Variants in ADARB2 observed in about 807,000 individuals in gnomAD.
The protein encoded by ADARB2 is adenosine deaminase RNA specific B2 (inactive).
A neutral mutation model predicts 62.2 loss-of-function variants in ADARB2; 25 were observed. The observed-to-expected ratio is 0.40, with a 90% CI of 0.29 to 0.56. ADARB2 has a LOEUF of 0.56. ADARB2 is among the 20% of genes least tolerant of loss of function. The pLI is 0.43. For missense variants in ADARB2, 1,071 were observed against 1,077.4 expected, an observed-to-expected ratio of 0.99 and a Z score of 0.08; for synonymous variants, 572 against 500.8, an observed-to-expected ratio of 1.14 and a Z score of -1.90.
intron 1 of ADARB2, among the ~76,000 whole-genome samples, chr10:1,735,370 T>G (rs1340090696): frequency 6.6e-6 from 1 of 152,254 alleles, no homozygotes; most frequent in Non-Finnish European, 1.5e-5. Context: ...TGACGCTTCC[T>G]GGCAAGGCAA....
At chr10:1,733,794 G>A (rs1423991046) in intron 1 of ADARB2, among the ~76,000 whole-genome samples, 1 of 152,124 alleles carries the variant, frequency 6.6e-6, no homozygotes, top group South Asian at 2.1e-4. Flanking sequence ...AAAATAAAGT[G>A]CAATCTCCTG....
At position 1,702,668 on chromosome 10, in the gene ADARB2, C is replaced by T. The variant is rs913000963; in HGVS notation, c.100+34383G>A. The stretch of plus-strand genomic sequence containing the variant: ...TGCTTGAGCACTGTAAGACCTTCTG[C>T]CCCCATTCCCCAGGGTACATGCTCC... On this transcript the variant is annotated intron_variant, in intron 1 of 9. Transcript: ENST00000381312. Among the ~76,000 whole-genome samples, 3 of 152,346 alleles carry T rather than the reference C, an allele frequency of 2.0e-5. No homozygotes were observed. The South Asian group carries it at 6.2e-4, about 32-fold the overall frequency.
chr10:1,593,915 T>C (rs1313007188), intron 1 of ADARB2, among the ~76,000 whole-genome samples: 2 of 152,132 alleles, frequency 1.3e-5, no homozygotes, highest in Non-Finnish European at 2.9e-5. Flanking sequence ...GCCCGGCCCA[T>C]CTCATGGGAT....
intron 3 of ADARB2, among the ~76,000 whole-genome samples, chr10:1,326,876 G>T (rs372531168): frequency 0.029 from 669 of 22,916 alleles, 19 homozygotes; most frequent in African/African-American, 0.063. Flanking sequence ...GCCTCCCCAC[G>T]GCACAGCGCC....
chr10:1,521,650 C>A (rs1287892722), intron 1 of ADARB2, among the ~76,000 whole-genome samples: 4 of 152,230 alleles, frequency 2.6e-5, no homozygotes, highest in African/African-American at 9.6e-5. Flanking sequence ...AAACTTCGAT[C>A]TCCACCAACT....
intron 3 of ADARB2, among the ~76,000 whole-genome samples, chr10:1,342,367 T>A (rs1200639628): frequency 6.6e-6 from 1 of 152,228 alleles, no homozygotes; most frequent in Non-Finnish European, 1.5e-5. Context: ...CTGAGGCCTC[T>A]GCCCAACTAC....
At position 1,180,435 on chromosome 10, in the gene ADARB2, AC is replaced by A. The variant is rs1323568591; in HGVS notation, c.*2757del. 6.6e-6 allele frequency: 1 copy of A among 152,366 alleles called. No homozygotes were observed. The highest frequency in any genetic ancestry group is 2.4e-5 in the African/African-American group (1 of 41,262). The allele number at this position is 152,366 out of a possible 1,614,324, so 9.4% of individuals were successfully genotyped here. A position where few individuals can be genotyped will look rare whatever the true frequency, so the allele number is the denominator to read the frequency against. On this transcript the variant is annotated 3_prime_UTR_variant, in exon 10 of 10. Coordinates refer to ENST00000381312, the MANE Select transcript of ADARB2 (RefSeq NM_018702.4). Reference sequence around the variant, plus strand: ...CCTGGGACCCGGGTCTTCCAGGCACACCTGGGGCTGTGGGAATCCTGGGACC... The same window carrying A: ...CCTGGGACCCGGGTCTTCCAGGCACACTGGGGCTGTGGGAATCCTGGGACC...
intron 1 of ADARB2, among the ~76,000 whole-genome samples, chr10:1,498,012 G>T (rs908162910): frequency 2.0e-5 from 3 of 152,120 alleles, no homozygotes; most frequent in African/African-American, 7.2e-5. Flanking sequence ...TCAAATATTT[G>T]TGTGTATATG....
At chr10:1,277,458 A>G (rs1831328443) in intron 3 of ADARB2, among the ~76,000 whole-genome samples, 1 of 152,276 alleles carries the variant, frequency 6.6e-6, no homozygotes, top group Admixed American at 6.5e-5. Context: ...AACTACCATT[A>G]GAGAATACTA....
intron 1 of ADARB2, among the ~76,000 whole-genome samples, chr10:1,712,159 T>A (rs1487041042): frequency 6.6e-6 from 1 of 152,212 alleles, no homozygotes; most frequent in African/African-American, 2.4e-5. Flanking sequence ...ATTCTCAAAT[T>A]CGTGCAGGAA....
chr10:1,445,839 C>A (rs773746297), intron 1 of ADARB2, among the ~76,000 whole-genome samples: 14 of 152,156 alleles, frequency 9.2e-5, no homozygotes, highest in Non-Finnish European at 1.6e-4. Flanking sequence ...AAGAGTGAGA[C>A]ATACGGTTGA....
chr10:1,298,391 G>A (rs1416069876), intron 3 of ADARB2, among the ~76,000 whole-genome samples: 1 of 152,122 alleles, frequency 6.6e-6, no homozygotes, highest in Non-Finnish European at 1.5e-5. Context: ...GGGTGATCCC[G>A]GGGGCACATC....
chr10:1,410,588 G>C (rs970259610), intron 1 of ADARB2, among the ~76,000 whole-genome samples: 1 of 152,110 alleles, frequency 6.6e-6, no homozygotes, highest in Admixed American at 6.5e-5. Context: ...GAAATATTAC[G>C]ACGTTAAAAG....
chr10:1,624,631 A>T (rs558329593), intron 1 of ADARB2, among the ~76,000 whole-genome samples: 1 of 152,318 alleles, frequency 6.6e-6, no homozygotes, highest in East Asian at 1.9e-4. Flanking sequence ...TATGTTTTTA[A>T]GAGACTGACA....
intron 1 of ADARB2, among the ~76,000 whole-genome samples, chr10:1,392,642 C>T: frequency 6.6e-6 from 1 of 152,162 alleles, no homozygotes; most frequent in East Asian, 1.9e-4. Flanking sequence ...CATCTCCAAG[C>T]TCCCGTCCTA....
At chr10:1,306,763 T>G (rs990733943) in intron 3 of ADARB2, among the ~76,000 whole-genome samples, 11 of 147,518 alleles carry the variant, frequency 7.5e-5, no homozygotes, top group African/African-American at 2.5e-4. Context: ...AACAGAGCCG[T>G]CAGAAATAAC....
At position 1,670,351 on chromosome 10, in the gene ADARB2, T is replaced by C. The variant is rs117518168; in HGVS notation, c.100+66700A>G. Among the ~76,000 whole-genome samples the C allele has an allele frequency of 4.7e-3, 711 of 152,348 alleles. 8 individuals carry two copies. The highest frequency in any genetic ancestry group is 0.017 in the South Asian group (83 of 4,822). ...TTCCCAAAGTTTGAACAGGGGTCCTTAGAGGACTGAACCCAGCAGCAGATG... is the reference window on the plus strand; with the variant it reads ...TTCCCAAAGTTTGAACAGGGGTCCTCAGAGGACTGAACCCAGCAGCAGATG... On this transcript the variant is annotated intron_variant, in intron 1 of 9. Coordinates refer to ENST00000381312, the MANE Select transcript of ADARB2 (RefSeq NM_018702.4).
chr10:1,574,358 G>A (rs1462017631), intron 1 of ADARB2, among the ~76,000 whole-genome samples: 2 of 152,242 alleles, frequency 1.3e-5, no homozygotes, highest in Non-Finnish European at 2.9e-5. Flanking sequence ...AAGCAGAGGG[G>A]ACATGGCGAA....
intron 1 of ADARB2, among the ~76,000 whole-genome samples, chr10:1,650,990 A>C (rs1343486989): frequency 6.6e-6 from 1 of 152,144 alleles, no homozygotes; most frequent in Non-Finnish European, 1.5e-5. Flanking sequence ...AGGCTATCTG[A>C]AGGACACCAG....
Sources: gnomAD v4.1 joint callset for allele counts (sites outside exome capture counted in the v4.1 genomes callset) on GRCh38, gnomAD v4.1.1 for gene constraint, MANE v1.5 for transcripts, NCBI Gene and HGNC (gene_info 2026-07-23, HGNC 2026-07-21) for gene names.